SUPT3H: variants seen among roughly 807,000 people sequenced by gnomAD.
SUPT3H encodes transcription initiation protein SPT3 homolog.
A neutral mutation model predicts 44.3 loss-of-function variants in SUPT3H; 44 were observed. The observed-to-expected ratio is 0.99, with a 90% CI of 0.78 to 1.28. The LOEUF is 1.28. Ranked by LOEUF, SUPT3H falls within the 50% of genes most tolerant of loss-of-function variation. The probability of loss-of-function intolerance (pLI) is 0.00; values close to 1 mark genes in which losing one functional copy is unlikely to be tolerated. For synonymous variants in SUPT3H, 124 were observed against 125.6 expected, an observed-to-expected ratio of 0.99 and a Z score of 0.09; for missense variants, 380 against 387.1, an observed-to-expected ratio of 0.98 and a Z score of 0.15.
chr6:45,071,505 T>C (rs1378430049), intron 3 of SUPT3H, among the ~76,000 whole-genome samples: 1 of 152,040 alleles, frequency 6.6e-6, no homozygotes, highest in Non-Finnish European at 1.5e-5. Context: ...TAAAAGAGAA[T>C]CAGTTGTCTT....
intron 10 of SUPT3H, among the ~76,000 whole-genome samples, chr6:44,839,286 G>A (rs545091193): frequency 5.3e-5 from 8 of 151,666 alleles, no homozygotes; most frequent in Admixed American, 1.3e-4. Context: ...AGGCTTAAGC[G>A]CATCAAAAAT....
In SUPT3H at chr6:44,932,744, A is replaced by C; in HGVS notation, c.821T>G (p.Val274Gly). 3.1e-6 allele frequency: 5 copies of C among 1,608,794 alleles called. No homozygotes were observed. The highest frequency in any genetic ancestry group is 4.2e-6 in the Non-Finnish European group (5 of 1,178,054). ...NSAESTAACGVEAHSDAIQPC... is the reference protein window; with the variant it reads ...NSAESTAACGGEAHSDAIQPC... ...CTGGATGGCATCGCTGTGAGCCTCA[A>C]CACCACAGGCTGCAGTGCTCTGCGA... The change falls in exon 10 of 11, where the codon GTT becomes GGT. Residue 274 changes from valine to glycine, a missense_variant. Physicochemically the swap from Val to Gly is moderately radical, Grantham distance 109. Coordinates refer to ENST00000371459, the MANE Select transcript of SUPT3H (RefSeq NM_003599.4).
chr6:45,122,311 T>C (rs1343159678), intron 2 of SUPT3H, among the ~76,000 whole-genome samples: 1 of 152,152 alleles, frequency 6.6e-6, no homozygotes, highest in Non-Finnish European at 1.5e-5. Flanking sequence ...CAAAAAAATA[T>C]TGATTCAATT....
intron 2 of SUPT3H, among the ~76,000 whole-genome samples, chr6:45,282,753 C>T (rs1205066681): frequency 8.6e-5 from 13 of 152,040 alleles, no homozygotes; most frequent in Non-Finnish European, 1.3e-4. Context: ...AGATACTCCT[C>T]GAGAAGAGCA....
rs566131108 is a variant in SUPT3H, at chr6:44,917,663, T to C, written c.912+14990A>G. ...TATAAATGAAGCCTCATGAGTCTTT[T>C]AGAATAAATACCTCCAGGCTAGGTG... On this transcript the variant is annotated intron_variant, in intron 10 of 10. Coordinates refer to ENST00000371459, the MANE Select transcript of SUPT3H (RefSeq NM_003599.4). 2.6e-5 allele frequency among the ~76,000 whole-genome samples: 4 copies of C among 152,286 alleles called. No homozygotes were observed. The East Asian group carries it at 7.7e-4, about 29-fold the overall frequency.
chr6:45,071,295 T>C (rs1350203092), intron 3 of SUPT3H, among the ~76,000 whole-genome samples: 1 of 152,124 alleles, frequency 6.6e-6, no homozygotes, highest in Non-Finnish European at 1.5e-5. Context: ...AAAATCTAAA[T>C]TATATTTTAA....
At chr6:45,000,172 TCCC>T (rs1781834777) in intron 6 of SUPT3H, among the ~76,000 whole-genome samples, 1 of 152,040 alleles carries the variant, frequency 6.6e-6, no homozygotes, top group Non-Finnish European at 1.5e-5. Flanking sequence ...TATTTCACAG[TCCC>T]ATATATTATA....
chr6:45,232,188 T>C (rs762319190), intron 2 of SUPT3H, among the ~76,000 whole-genome samples: 63 of 152,324 alleles, frequency 4.1e-4, no homozygotes, highest in Non-Finnish European at 6.8e-4. Flanking sequence ...CTTCAGGTTT[T>C]CTGAATTTGC....
chr6:44,947,268 A>C (rs1773499529), intron 9 of SUPT3H, among the ~76,000 whole-genome samples: 1 of 152,184 alleles, frequency 6.6e-6, no homozygotes, highest in African/African-American at 2.4e-5. Context: ...CAAACCTGCA[A>C]TATCTCTGAA....
intron 2 of SUPT3H, among the ~76,000 whole-genome samples, chr6:45,245,062 C>T (rs1365902924): frequency 1.3e-5 from 2 of 152,000 alleles, no homozygotes; most frequent in African/African-American, 4.8e-5. Flanking sequence ...TTGTAAAAAT[C>T]ATTTTTTAAG....
At chr6:45,184,597 C>G (rs936088673) in intron 2 of SUPT3H, among the ~76,000 whole-genome samples, 2 of 151,914 alleles carry the variant, frequency 1.3e-5, no homozygotes, top group Non-Finnish European at 2.9e-5. Flanking sequence ...AAACACAACA[C>G]AACAAGAAAA....
intron 2 of SUPT3H, among the ~76,000 whole-genome samples, chr6:45,279,369 T>C (rs1777554552): frequency 6.6e-6 from 1 of 152,312 alleles, no homozygotes; most frequent in South Asian, 2.1e-4. Flanking sequence ...TTTGGATATG[T>C]GTCCCCTACA....
chr6:45,012,678 C>CT lies in SUPT3H; in HGVS notation c.364+2122dup, dbSNP rs372540523. ...CCCAAAAAGCAGTTTCTATTGTCTA[C>CT]TTTTTTTTTGTCTCCTTTTTATTGT... On this transcript the variant is annotated intron_variant, in intron 5 of 10. Coordinates refer to ENST00000371459, the MANE Select transcript of SUPT3H (RefSeq NM_003599.4). 5.9e-4 allele frequency among the ~76,000 whole-genome samples: 89 copies of CT among 150,730 alleles called. No homozygotes were observed. In the Middle Eastern group the frequency reaches 0.01, roughly 17 times the overall value.
intron 2 of SUPT3H, chr6:45,158,858 T>C (rs1808453946): frequency 6.6e-6 from 1 of 152,164 alleles, no homozygotes; most frequent in Non-Finnish European, 1.5e-5. Flanking sequence ...CACCCTGAGG[T>C]AGGTGGTCCT....
intron 2 of SUPT3H, among the ~76,000 whole-genome samples, chr6:45,152,382 G>A (rs1248691516): frequency 6.6e-6 from 1 of 152,040 alleles, no homozygotes; most frequent in Non-Finnish European, 1.5e-5. Flanking sequence ...TGCCTTAAGC[G>A]AAGCTGCTAT....
Position 45,105,964 on chromosome 6 carries a change from T to C in SUPT3H, c.144A>G (p.Ala48=), listed in dbSNP as rs200625020. 1.8e-5 allele frequency: 29 copies of C among 1,613,738 alleles called. No individual in the cohort carries two copies. The highest frequency in any genetic ancestry group is 3.3e-4 in the Middle Eastern group (2 of 6,082). ...TGTGTACCACATCTTCTACCAAAACTGCTGTTTCATGAAGAGGCCTTCTAG... is the reference window on the plus strand; with the variant it reads ...TGTGTACCACATCTTCTACCAAAACCGCTGTTTCATGAAGAGGCCTTCTAG... The part of the protein sequence containing the change: ...GDARRPLHET[A]VLVEDVVHTQ... The change falls in exon 3 of 11, where the codon GCA becomes GCG. Residue 48 remains alanine, a synonymous_variant. Transcript: ENST00000371459.
At chr6:44,939,718 G>T (rs2153464873) in intron 9 of SUPT3H, among the ~76,000 whole-genome samples, 1 of 152,118 alleles carries the variant, frequency 6.6e-6, no homozygotes, top group South Asian at 2.1e-4. Flanking sequence ...TTAAATTACT[G>T]ATTCAATCTT....
intron 10 of SUPT3H, among the ~76,000 whole-genome samples, chr6:44,882,646 G>C (rs1778436513): frequency 1.3e-5 from 2 of 152,106 alleles, no homozygotes; most frequent in Non-Finnish European, 2.9e-5. Flanking sequence ...ATAAAATACT[G>C]GCAAACCGGA....
intron 6 of SUPT3H, among the ~76,000 whole-genome samples, chr6:44,967,351 C>T (rs147980984): frequency 2.0e-3 from 300 of 152,274 alleles, no homozygotes; most frequent in African/African-American, 6.9e-3. Flanking sequence ...TCACTTTCTG[C>T]GTCCTACTTA....
Sources: allele counts gnomAD v4.1 joint callset (sites outside exome capture counted in the v4.1 genomes callset), GRCh38; gene constraint gnomAD v4.1.1; transcripts MANE v1.5; gene names NCBI Gene and HGNC (gene_info 2026-07-23, HGNC 2026-07-21).